The following FKTN variants were observed in gnomAD, a reference collection of about 807,000 sequenced individuals.
FKTN encodes the protein ribitol-5-phosphate transferase FKTN.
In FKTN, 47 loss-of-function variants were observed where a neutral mutation model predicts 58.6. The observed-to-expected ratio is 0.80, with a 90% CI of 0.63 to 1.02. FKTN has a LOEUF of 1.02. FKTN is among the 50% of genes least tolerant of loss of function. The probability of loss-of-function intolerance (pLI) is 0.00; values close to 1 mark genes in which losing one functional copy is unlikely to be tolerated. For missense variants in FKTN, 516 were observed against 537.3 expected, an observed-to-expected ratio of 0.96 and a Z score of 0.39; for synonymous variants, 178 against 191.9, an observed-to-expected ratio of 0.93 and a Z score of 0.60.
chr9:105,561,676 C>G (rs1838328777), intron 1 of FKTN, among the ~76,000 whole-genome samples: 1 of 152,170 alleles, frequency 6.6e-6, no homozygotes, highest in Non-Finnish European at 1.5e-5. Context: ...TTTTTATCTT[C>G]AAGTAACAGC....
rs146272618 is a variant in FKTN, at chr9:105,635,106, C to T, written c.1228C>T (p.His410Tyr). ...GACTGAGTTTGTAGACATGAAGGTC[C>T]ATGTACCCTGTGAAACCCTCGAATA... is the stretch of plus-strand genomic sequence containing the variant. ...CWTEFVDMKVHVPCETLEYIE... is the reference protein window; with the variant it reads ...CWTEFVDMKVYVPCETLEYIE... The change falls in exon 11 of 11, where the codon CAT becomes TAT. Residue 410 changes from histidine to tyrosine, a missense_variant. Transcript: ENST00000357998. 1 of 1,614,050 alleles carries T rather than the reference C, an allele frequency of 6.2e-7. No homozygotes were observed. Among genetic ancestry groups the T allele is most frequent in the Non-Finnish European group, 8.5e-7 (1 of 1,179,952 alleles).
chr9:105,558,279 C>A (rs1238363138), intron 1 of FKTN, 114 bp downstream of exon 1: 1 of 152,396 alleles, frequency 6.6e-6, no homozygotes, highest in Admixed American at 6.5e-5. Flanking sequence ...TGGGCACCTG[C>A]CTACCCCTTG....
rs35917146 is a variant in FKTN, at chr9:105,572,230, G to GTA, written c.-180-1405_-180-1404dup. On this transcript the variant is annotated intron_variant, in intron 1 of 10. Coordinates refer to ENST00000357998, the MANE Select transcript of FKTN (RefSeq NM_001079802.2). ...TTCTCTTAAGTAGTTTCTTGAGACT[G>GTA]TATATATATATATATATATATTTTA... Among the ~76,000 whole-genome samples, 1,055 of 146,224 alleles carry GTA rather than the reference G, an allele frequency of 7.2e-3. 5 individuals carry two copies. Among genetic ancestry groups the GTA allele is most frequent in the South Asian group, 0.015 (68 of 4,668 alleles).
At chr9:105,632,419 T>TAA (rs11399147) in intron 10 of FKTN, among the ~76,000 whole-genome samples, 27 of 142,896 alleles carry the variant, frequency 1.9e-4, no homozygotes, top group African/African-American at 2.8e-4. Flanking sequence ...AAAAGTATAA[T>TAA]AAAAAAAAAT....
At position 105,635,909 on chromosome 9, in the gene FKTN, C is replaced by T. The variant is rs975160532; in HGVS notation, c.*645C>T. 4.0e-6 allele frequency: 4 copies of T among 989,680 alleles called. No individual in the cohort carries two copies. The African/African-American group carries it at 7.0e-5, about 17-fold the overall frequency. The allele number at this position is 989,680 out of a possible 1,614,324, so 61.3% of individuals were successfully genotyped here. On this transcript the variant is annotated 3_prime_UTR_variant, in exon 11 of 11. Coordinates refer to ENST00000357998, the MANE Select transcript of FKTN (RefSeq NM_001079802.2). ...ATTACTTGTCAGGATAAGTAAATTT[C>T]TGTACATGTACTGTTTTCATATGTG...
chr9:105,573,238 C>A (rs1311826115), intron 1 of FKTN, among the ~76,000 whole-genome samples: 82 of 148,014 alleles, frequency 5.5e-4, no homozygotes, highest in Admixed American at 5.4e-4. Flanking sequence ...GACTCTGTCT[C>A]AAAAAAAAAA....
chr9:105,637,509 G>A lies in FKTN; in HGVS notation c.*2245G>A. On this transcript the variant is annotated 3_prime_UTR_variant, in exon 11 of 11. Transcript: ENST00000357998. ...GAAGGCCAGGCTTACCTCTGATTCT[G>A]ATTCATCCATACTTCATCTTATGTA... is the stretch of plus-strand genomic sequence containing the variant. 7 of 985,420 alleles carry A rather than the reference G, an allele frequency of 7.1e-6. No homozygotes were observed. The South Asian group carries it at 3.3e-4, about 46-fold the overall frequency. 61.0% of individuals were successfully genotyped at this position (985,420 alleles called of 1,614,324 possible).
chr9:105,593,359 C>T (rs1338517255), intron 3 of FKTN, among the ~76,000 whole-genome samples: 2 of 152,180 alleles, frequency 1.3e-5, no homozygotes, highest in African/African-American at 2.4e-5. Flanking sequence ...TTACATGATA[C>T]AGTCACCTCC....
At position 105,637,717 on chromosome 9, in the gene FKTN, T is replaced by C; in HGVS notation, c.*2453T>C. ...GGGAAGTTGACAACTTGTTGGTAGTTAGGCACCCATGAATGTCTCCAGAGA... is the reference window on the plus strand; with the variant it reads ...GGGAAGTTGACAACTTGTTGGTAGTCAGGCACCCATGAATGTCTCCAGAGA... On this transcript the variant is annotated 3_prime_UTR_variant, in exon 11 of 11. Transcript: ENST00000357998. The C allele has an allele frequency of 1.0e-6, 1 of 985,416 alleles. No individual in the cohort carries two copies. The highest frequency in any genetic ancestry group is 1.2e-6 in the Non-Finnish European group (1 of 829,938). The allele number at this position is 985,416 out of a possible 1,614,324, so 61.0% of individuals were successfully genotyped here.
chr9:105,559,801 C>T (rs1158616848), intron 1 of FKTN, among the ~76,000 whole-genome samples: 1 of 152,024 alleles, frequency 6.6e-6, no homozygotes, highest in Non-Finnish European at 1.5e-5. Flanking sequence ...TGTTTTCTCT[C>T]ACAGGTGGTA....
In FKTN at chr9:105,635,553, C is replaced by T. The variant is rs933476216; in HGVS notation, c.*289C>T. On this transcript the variant is annotated 3_prime_UTR_variant, in exon 11 of 11. Coordinates refer to ENST00000357998, the MANE Select transcript of FKTN (RefSeq NM_001079802.2). Reference sequence around the variant, plus strand: ...AACTCAATTTTCCTTTGAGGGAACCCTCCCCCACCCTTTGAAGAGTTCAAG... The same window carrying T: ...AACTCAATTTTCCTTTGAGGGAACCTTCCCCCACCCTTTGAAGAGTTCAAG... The T allele has an allele frequency of 1.2e-4, 156 of 1,285,704 alleles. No individual in the cohort carries two copies. The highest frequency in any genetic ancestry group is 3.2e-4 in the Middle Eastern group (1 of 3,122). The allele number at this position is 1,285,704 out of a possible 1,614,324, so 79.6% of individuals were successfully genotyped here. A position where few individuals can be genotyped will look rare whatever the true frequency, so the allele number is the denominator to read the frequency against.
intron 1 of FKTN, among the ~76,000 whole-genome samples, chr9:105,558,793 G>A (rs77481692): frequency 0.048 from 7,308 of 152,238 alleles, 281 homozygotes; most frequent in Non-Finnish European, 0.075. Flanking sequence ...AGTAGAAAAG[G>A]CTGTGTTTGA....
In FKTN at chr9:105,636,735, G is replaced by C; in HGVS notation, c.*1471G>C. The C allele has an allele frequency of 6.2e-6, 8 of 1,296,790 alleles. No homozygotes were observed. Among genetic ancestry groups the C allele is most frequent in the Non-Finnish European group, 8.1e-6 (8 of 983,646 alleles). 80.3% of individuals were successfully genotyped at this position (1,296,790 alleles called of 1,614,324 possible). ...TAGGACTACTTTCTGGAGCTTGGCAGATTTTCCTCTGACACCAGAGAACAA... is the reference window on the plus strand; with the variant it reads ...TAGGACTACTTTCTGGAGCTTGGCACATTTTCCTCTGACACCAGAGAACAA... On this transcript the variant is annotated 3_prime_UTR_variant, in exon 11 of 11. Transcript: ENST00000357998.
At position 105,586,773 on chromosome 9, in the gene FKTN, A is replaced by G. The variant is rs1843985945; in HGVS notation, c.106-9825A>G. On this transcript the variant is annotated intron_variant, in intron 3 of 10. Transcript: ENST00000357998. ...CTTAGTGTCTGATACATGGTAGATG[A>G]TAACTATCAGTAGCTTACATTTTCT... Among the ~76,000 whole-genome samples the G allele has an allele frequency of 2.0e-5, 3 of 152,212 alleles. No homozygotes were observed. The South Asian group carries it at 6.2e-4, about 32-fold the overall frequency.
intron 1 of FKTN, among the ~76,000 whole-genome samples, chr9:105,567,043 GC>G (rs1346886396): frequency 2.6e-5 from 4 of 151,806 alleles, no homozygotes; most frequent in Non-Finnish European, 5.9e-5. Flanking sequence ...AACAACAAAA[GC>G]CACATAAGAT....
At chr9:105,576,738 G>A (rs1292187122) in intron 3 of FKTN, among the ~76,000 whole-genome samples, 6 of 81,220 alleles carry the variant, frequency 7.4e-5, no homozygotes, top group South Asian at 4.3e-4. Flanking sequence ...CTGAGGAATC[G>A]CCACACTGAC....
rs1234558286 is a variant in FKTN, at chr9:105,578,031, CTT to C, written c.105+2896_105+2897del. ...TGCACATTGATTTTGTATCTTGAGA[CTT>C]TGCTGAAGTTGCTTATCAGCTTAAG... On this transcript the variant is annotated intron_variant, in intron 3 of 10. Transcript: ENST00000357998. 2.6e-5 allele frequency among the ~76,000 whole-genome samples: 4 copies of C among 152,094 alleles called. No individual in the cohort carries two copies. The South Asian group carries it at 8.3e-4, about 32-fold the overall frequency.
chr9:105,582,193 G>A (rs1433925773), intron 3 of FKTN, among the ~76,000 whole-genome samples: 5 of 152,146 alleles, frequency 3.3e-5, no homozygotes, highest in South Asian at 2.1e-4. Flanking sequence ...GCTCCTACCC[G>A]AAACTTTTCT....
chr9:105,629,424 T>G (rs1004045068), intron 10 of FKTN, among the ~76,000 whole-genome samples: 1 of 152,200 alleles, frequency 6.6e-6, no homozygotes, highest in African/African-American at 2.4e-5. Flanking sequence ...TAAAGCCTTT[T>G]GTATTGAGTA....
Sources: allele counts gnomAD v4.1 joint callset (sites outside exome capture counted in the v4.1 genomes callset), GRCh38; gene constraint gnomAD v4.1.1; transcripts MANE v1.5; gene names NCBI Gene and HGNC (gene_info 2026-07-23, HGNC 2026-07-21).